AUTS2: variants seen among roughly 807,000 people sequenced by gnomAD.
The protein encoded by AUTS2 is autism susceptibility gene 2 protein.
In AUTS2, 17 loss-of-function variants were observed where a neutral mutation model predicts 112.4. The ratio of observed to expected loss-of-function variants is 0.15; its 90% CI spans 0.10 to 0.23. The LOEUF is 0.23. AUTS2 is among the 10% of genes least tolerant of loss of function. The pLI, the probability that AUTS2 is intolerant of heterozygous loss-of-function variation, is 1.00. For missense variants in AUTS2, 1,510 were observed against 1,701.6 expected (o/e 0.89, Z 1.98); for synonymous variants, 751 against 702.7 (o/e 1.07, Z -1.09).
At position 70,311,345 on chromosome 7, in the gene AUTS2, C is replaced by G. The variant is rs190278250; in HGVS notation, c.661-124407C>G. On this transcript the variant is annotated intron_variant, in intron 4 of 18. Transcript: ENST00000342771. ...GACAGTTTTGCCATTATTATTAACC[C>G]AATAATAATGTCGTGTCCCCTTTCT... Among the ~76,000 whole-genome samples the G allele has an allele frequency of 2.2e-3, 341 of 152,290 alleles. 1 individual carries two copies. Among genetic ancestry groups the G allele is most frequent in the Non-Finnish European group, 3.6e-3 (242 of 68,034 alleles).
At chr7:69,703,436 C>G (rs1398210938) in intron 1 of AUTS2, among the ~76,000 whole-genome samples, 1 of 152,198 alleles carries the variant, frequency 6.6e-6, no homozygotes, top group African/African-American at 2.4e-5. Context: ...TGAATATCCA[C>G]CACTTTGTAA....
intron 5 of AUTS2, among the ~76,000 whole-genome samples, chr7:70,486,608 A>T (rs1798011019): frequency 6.6e-6 from 1 of 151,902 alleles, no homozygotes; most frequent in Non-Finnish European, 1.5e-5. Flanking sequence ...CAAAACAAAA[A>T]ATTAGCCGGG....
intron 4 of AUTS2, among the ~76,000 whole-genome samples, chr7:70,360,202 A>C (rs376871976): frequency 4.3e-4 from 65 of 152,258 alleles, no homozygotes; most frequent in African/African-American, 1.5e-3. Flanking sequence ...ATCATAGCTC[A>C]CTGGAGCCTC....
At chr7:70,261,156 T>A (rs1249040551) in intron 4 of AUTS2, among the ~76,000 whole-genome samples, 1 of 152,160 alleles carries the variant, frequency 6.6e-6, no homozygotes, top group East Asian at 1.9e-4. Context: ...CAAAAAAGAA[T>A]CAAACTGATA....
At chr7:69,828,429 T>C (rs993332079) in intron 1 of AUTS2, among the ~76,000 whole-genome samples, 6 of 152,194 alleles carry the variant, frequency 3.9e-5, no homozygotes. Context: ...ACAGCAAAGC[T>C]GTACAAAAGA....
chr7:70,397,436 A>C (rs956120423), intron 4 of AUTS2, among the ~76,000 whole-genome samples: 3 of 151,970 alleles, frequency 2.0e-5, no homozygotes, highest in Non-Finnish European at 4.4e-5. Context: ...TCTAATGACT[A>C]CTGATATTGA....
chr7:70,732,644 C>T (rs1787492787), intron 6 of AUTS2, among the ~76,000 whole-genome samples: 1 of 152,188 alleles, frequency 6.6e-6, no homozygotes, highest in Non-Finnish European at 1.5e-5. Context: ...CCCACTTAAT[C>T]TTCTTCCTGA....
intron 4 of AUTS2, among the ~76,000 whole-genome samples, chr7:70,276,773 A>G (rs1291206890): frequency 6.6e-6 from 1 of 152,140 alleles, no homozygotes; most frequent in African/African-American, 2.4e-5. Context: ...TTCTTATTCT[A>G]TGGATTGACT....
intron 4 of AUTS2, among the ~76,000 whole-genome samples, chr7:70,254,870 A>T (rs569056681): frequency 1.3e-5 from 2 of 152,282 alleles, no homozygotes; most frequent in Non-Finnish European, 2.9e-5. Context: ...CTATCTCAGG[A>T]TGTATGTGTT....
At chr7:70,061,781 CTTTT>C (rs777176481) in intron 2 of AUTS2, among the ~76,000 whole-genome samples, 2 of 140,356 alleles carry the variant, frequency 1.4e-5, no homozygotes. Context: ...GTTATTTCTT[CTTTT>C]TTTTTTTTTT....
At chr7:70,573,257 C>T (rs549671008) in intron 5 of AUTS2, among the ~76,000 whole-genome samples, 6 of 152,272 alleles carry the variant, frequency 3.9e-5, no homozygotes, top group South Asian at 2.1e-4. Context: ...CACTGGTCCC[C>T]GGAGGTGGCC....
chr7:70,680,912 T>A (rs777903094), intron 5 of AUTS2, among the ~76,000 whole-genome samples: 16 of 152,222 alleles, frequency 1.1e-4, no homozygotes, highest in Non-Finnish European at 1.8e-4. Context: ...GGCTACAATT[T>A]TCCTGTTTTA....
chr7:69,685,719 CT>C (rs57209176), intron 1 of AUTS2, among the ~76,000 whole-genome samples: 3,524 of 139,890 alleles, frequency 0.025, 89 homozygotes, highest in African/African-American at 0.065. Flanking sequence ...GATCCATGCC[CT>C]TTTTTTTTTT....
At chr7:69,689,894 G>T (rs532147168) in intron 1 of AUTS2, among the ~76,000 whole-genome samples, 1 of 141,746 alleles carries the variant, frequency 7.1e-6, no homozygotes, top group Non-Finnish European at 1.5e-5. Context: ...TCACCATGTC[G>T]GTCGGCCAGG....
chr7:70,676,438 TAAAGAGAG>T (rs1182717034), intron 5 of AUTS2, among the ~76,000 whole-genome samples: 1 of 147,632 alleles, frequency 6.8e-6, no homozygotes, highest in African/African-American at 2.6e-5. Context: ...TCTCAAAAAA[TAAAGAGAG>T]AGAGAGAGAG....
chr7:70,608,167 A>G (rs1249232964), intron 5 of AUTS2, among the ~76,000 whole-genome samples: 2 of 152,128 alleles, frequency 1.3e-5, no homozygotes, highest in African/African-American at 2.4e-5. Flanking sequence ...GCAATGGCAC[A>G]GTCATAGTTC....
At chr7:70,319,213 C>CATCT (rs768616710) in intron 4 of AUTS2, among the ~76,000 whole-genome samples, 3 of 152,148 alleles carry the variant, frequency 2.0e-5, no homozygotes, top group Non-Finnish European at 2.9e-5. Flanking sequence ...AGGCCTGAGT[C>CATCT]ATCTCCCTGC....
intron 4 of AUTS2, among the ~76,000 whole-genome samples, chr7:70,191,171 T>C (rs1199620357): frequency 7.1e-6 from 1 of 140,132 alleles, no homozygotes; most frequent in Non-Finnish European, 1.6e-5. Flanking sequence ...CTTTTTTTTT[T>C]TTTTTTTTTT....
chr7:69,609,005 A>C (rs532919730), intron 1 of AUTS2, among the ~76,000 whole-genome samples: 59 of 152,268 alleles, frequency 3.9e-4, no homozygotes, highest in African/African-American at 1.4e-3. Flanking sequence ...TATTCCAGCC[A>C]TTGCTAGTTG....
Sources: gnomAD v4.1 joint callset for allele counts (sites outside exome capture counted in the v4.1 genomes callset) on GRCh38, gnomAD v4.1.1 for gene constraint, MANE v1.5 for transcripts, NCBI Gene and HGNC (gene_info 2026-07-23, HGNC 2026-07-21) for gene names.